LRP1B: variants seen among roughly 807,000 people sequenced by gnomAD.
The protein encoded by LRP1B is low-density lipoprotein receptor-related protein 1B.
LRP1B carries 217 observed loss-of-function variants against 556.6 expected under a neutral mutation model. That is an observed-to-expected ratio of 0.39 (90% CI 0.35 to 0.44). The LOEUF (loss-of-function observed/expected upper bound fraction) is 0.44, where lower values mean the gene tolerates loss of function less well. Among genes scored for constraint, LRP1B ranks in the 20% least tolerant of loss-of-function variants. The pLI is 1.00. For missense variants in LRP1B, 5,053 were observed against 5,620.8 expected (o/e 0.90, Z 3.23); for synonymous variants, 2,047 against 1,865.8 (o/e 1.10, Z -2.50).
At chr2:141,528,523 T>C (rs1021440896) in intron 2 of LRP1B, among the ~76,000 whole-genome samples, 1 of 152,130 alleles carries the variant, frequency 6.6e-6, no homozygotes, top group Non-Finnish European at 1.5e-5. Context: ...TTGAAGGTTT[T>C]TACATAAACC....
At chr2:141,590,280 G>A (rs992569409) in intron 2 of LRP1B, among the ~76,000 whole-genome samples, 1 of 152,050 alleles carries the variant, frequency 6.6e-6, no homozygotes, top group African/African-American at 2.4e-5. Flanking sequence ...ACTAAATTGT[G>A]TTTGCCTGAC....
intron 49 of LRP1B, among the ~76,000 whole-genome samples, chr2:140,524,238 T>TAATC (rs778926826): frequency 3.3e-4 from 50 of 152,008 alleles, no homozygotes; most frequent in Non-Finnish European, 5.6e-4. Context: ...TCAATATCAC[T>TAATC]AATCATGAGA....
In LRP1B at chr2:140,851,959, A is replaced by C. The variant is rs145316236; in HGVS notation, c.4580-176T>G. On this transcript the variant is annotated intron_variant, in intron 27 of 90. Coordinates refer to ENST00000389484, the MANE Select transcript of LRP1B (RefSeq NM_018557.3). ...AATCATACACAGCAATTACATTAAT[A>C]AAAAAACATTATTTCAAAGATAACT... 2.2e-3 allele frequency among the ~76,000 whole-genome samples: 327 copies of C among 151,632 alleles called. 2 individuals carry two copies. Among genetic ancestry groups the C allele is most frequent in the African/African-American group, 7.8e-3 (318 of 40,946 alleles).
At chr2:141,292,111 G>C (rs1392362938) in intron 3 of LRP1B, among the ~76,000 whole-genome samples, 1 of 152,154 alleles carries the variant, frequency 6.6e-6, no homozygotes, top group Admixed American at 6.5e-5. Flanking sequence ...GGCCACATTA[G>C]ATTCTCATAG....
At chr2:140,891,310 A>G (rs1693791370) in intron 23 of LRP1B, among the ~76,000 whole-genome samples, 1 of 152,108 alleles carries the variant, frequency 6.6e-6, no homozygotes. Context: ...TATCAGACAG[A>G]CTATGAAAGC....
At chr2:141,793,300 C>T (rs34240047) in intron 2 of LRP1B, among the ~76,000 whole-genome samples, 3,538 of 151,810 alleles carry the variant, frequency 0.023, 73 homozygotes, top group Non-Finnish European at 0.035. Context: ...TTATGAGTAA[C>T]GCTAAGGAGA....
intron 1 of LRP1B, among the ~76,000 whole-genome samples, chr2:141,890,333 T>TAC (rs370308085): frequency 0.071 from 9,428 of 132,952 alleles, 1,382 homozygotes; most frequent in African/African-American, 0.25. Context: ...CATATATATA[T>TAC]ATATATATAT....
intron 46 of LRP1B, among the ~76,000 whole-genome samples, chr2:140,535,879 T>C (rs998231899): frequency 6.6e-6 from 1 of 152,106 alleles, no homozygotes; most frequent in Non-Finnish European, 1.5e-5. Context: ...AATTCTATGT[T>C]TGATGTGGAC....
At chr2:140,330,382 C>A (rs1680745190) in intron 79 of LRP1B, among the ~76,000 whole-genome samples, 1 of 151,612 alleles carries the variant, frequency 6.6e-6, no homozygotes, top group Non-Finnish European at 1.5e-5. Context: ...GACACATAGA[C>A]CAATGGAACA....
chr2:141,385,431 G>T (rs888815106), intron 3 of LRP1B, among the ~76,000 whole-genome samples: 1 of 152,054 alleles, frequency 6.6e-6, no homozygotes, highest in Non-Finnish European at 1.5e-5. Flanking sequence ...TTTGGATAAG[G>T]TACACTTAAC....
intron 32 of LRP1B, among the ~76,000 whole-genome samples, chr2:140,810,596 G>A (rs1271048795): frequency 6.6e-6 from 1 of 152,040 alleles, no homozygotes. Context: ...AGAAGAGTAA[G>A]TTTAAAGCCA....
At position 141,662,814 on chromosome 2, in the gene LRP1B, T is replaced by C. The variant is rs1216264579; in HGVS notation, c.205+147465A>G. Reference sequence around the variant, plus strand: ...GATATTCAGGACTTGAACTCACCTCTCGATCAAGTGGACCTAATAGATATA... The same window carrying C: ...GATATTCAGGACTTGAACTCACCTCCCGATCAAGTGGACCTAATAGATATA... On this transcript the variant is annotated intron_variant, in intron 2 of 90. Transcript: ENST00000389484. 5.3e-5 allele frequency among the ~76,000 whole-genome samples: 8 copies of C among 152,166 alleles called. 1 individual carries two copies. In the South Asian group the frequency reaches 1.7e-3, roughly 32 times the overall value.
intron 2 of LRP1B, among the ~76,000 whole-genome samples, chr2:141,748,468 C>T (rs1292186651): frequency 6.6e-6 from 1 of 152,152 alleles, no homozygotes; most frequent in African/African-American, 2.4e-5. Flanking sequence ...AGTGTAGCTT[C>T]TTCCTCTGGG....
In LRP1B at chr2:142,054,539, C is replaced by T. The variant is rs1704589548; in HGVS notation, c.82+76109G>A. 3.9e-5 allele frequency among the ~76,000 whole-genome samples: 6 copies of T among 152,082 alleles called. 1 individual carries two copies. The highest frequency in any genetic ancestry group is 3.9e-4 in the Admixed American group (6 of 15,252). ...TCCACAAGGTCTATCTCATTAGTTA[C>T]TTTTTCTCATACCCAAAGCCAGATG... On this transcript the variant is annotated intron_variant, in intron 1 of 90. Coordinates refer to ENST00000389484, the MANE Select transcript of LRP1B (RefSeq NM_018557.3).
intron 40 of LRP1B, among the ~76,000 whole-genome samples, chr2:140,700,892 A>G (rs777575848): frequency 1.3e-5 from 2 of 152,142 alleles, no homozygotes; most frequent in Non-Finnish European, 2.9e-5. Flanking sequence ...GAACCAGTTA[A>G]GTATATAAAT....
At chr2:140,881,041 T>C (rs1424138465) in intron 25 of LRP1B, among the ~76,000 whole-genome samples, 1 of 152,160 alleles carries the variant, frequency 6.6e-6, no homozygotes, top group Non-Finnish European at 1.5e-5. Context: ...TAGTGAATTT[T>C]ATCTAAAATT....
rs764487280 is a variant in LRP1B at position 140,238,314 on chromosome 2, T to G, written c.13416-18A>C. 1 of 1,353,602 alleles carries G rather than the reference T, an allele frequency of 7.4e-7. No homozygotes were observed. Among genetic ancestry groups the G allele is most frequent in the South Asian group, 1.3e-5 (1 of 79,602 alleles). 83.8% of individuals were successfully genotyped at this position (1,353,602 alleles called of 1,614,324 possible). ...TTTTTGTCCTAGAATATATAAACAT[T>G]AATATGTGTGAGTTTTGTATAAATA... On this transcript the variant is annotated intron_variant, in intron 88 of 90. Coordinates refer to ENST00000389484, the MANE Select transcript of LRP1B (RefSeq NM_018557.3).
chr2:141,408,932 G>A (rs913275977), intron 3 of LRP1B, among the ~76,000 whole-genome samples: 2 of 152,066 alleles, frequency 1.3e-5, no homozygotes, highest in Middle Eastern at 3.4e-3. Context: ...CTCTTCTTCC[G>A]CATATATAGC....
chr2:141,342,920 G>A (rs905259099), intron 3 of LRP1B, among the ~76,000 whole-genome samples: 24 of 152,144 alleles, frequency 1.6e-4, no homozygotes, highest in East Asian at 5.8e-4. Flanking sequence ...ACACGTAATC[G>A]TCAGATTCAC....
Sources: gnomAD v4.1 joint callset for allele counts (sites outside exome capture counted in the v4.1 genomes callset) on GRCh38, gnomAD v4.1.1 for gene constraint, MANE v1.5 for transcripts, NCBI Gene and HGNC (gene_info 2026-07-23, HGNC 2026-07-21) for gene names.